The following PTCHD4 variants were observed in gnomAD, a reference collection of about 807,000 sequenced individuals.
The protein encoded by PTCHD4 is patched domain-containing protein 4.
In PTCHD4, 33 loss-of-function variants were observed where a neutral mutation model predicts 58.1. The observed-to-expected ratio is 0.57, with a 90% CI of 0.43 to 0.76. The LOEUF is 0.76. PTCHD4 is among the 30% of genes least tolerant of loss of function. The pLI is 0.00. For synonymous variants in PTCHD4, 478 were observed against 409.6 expected (o/e 1.17, Z -2.02); for missense variants, 1,058 against 1,027.1 (o/e 1.03, Z -0.41).
intron 4 of PTCHD4, among the ~76,000 whole-genome samples, chr6:47,930,263 C>G (rs557194829): frequency 6.6e-6 from 1 of 152,284 alleles, no homozygotes; most frequent in South Asian, 2.1e-4. Context: ...CCTAAGCATT[C>G]AGCTACATTA....
intron 1 of PTCHD4, among the ~76,000 whole-genome samples, chr6:48,091,716 G>A (rs1268043327): frequency 1.4e-5 from 2 of 138,888 alleles, no homozygotes; most frequent in Non-Finnish European, 3.1e-5. Flanking sequence ...GCACAATCTC[G>A]GCTCACTGCA....
intron 3 of PTCHD4, among the ~76,000 whole-genome samples, chr6:48,056,230 T>A (rs1432510707): frequency 1.3e-5 from 2 of 152,356 alleles, no homozygotes; most frequent in East Asian, 1.9e-4. Context: ...TATAAAAGGC[T>A]ACTTTCAAAA....
At chr6:48,037,687 C>T (rs1409540245) in intron 3 of PTCHD4, among the ~76,000 whole-genome samples, 1 of 152,072 alleles carries the variant, frequency 6.6e-6, no homozygotes, top group Non-Finnish European at 1.5e-5. Flanking sequence ...TCAAAAACAT[C>T]ACTCAGACTA....
At chr6:47,917,121 A>G (rs9395332) in intron 4 of PTCHD4, among the ~76,000 whole-genome samples, 96,525 of 151,814 alleles carry the variant, frequency 0.64, 31,317 homozygotes, top group East Asian at 0.78. Context: ...ACTACTTTTG[A>G]GCAAAGCAAA....
chr6:48,039,327 A>T (rs1763759580), intron 3 of PTCHD4, among the ~76,000 whole-genome samples: 1 of 152,194 alleles, frequency 6.6e-6, no homozygotes, highest in South Asian at 2.1e-4. Context: ...ATAATGTTCA[A>T]AAATAGGAAA....
intron 1 of PTCHD4, among the ~76,000 whole-genome samples, chr6:48,100,312 TAA>T (rs1765575310): frequency 1.3e-5 from 2 of 152,218 alleles, no homozygotes; most frequent in Admixed American, 1.3e-4. Context: ...GTAAAATGTC[TAA>T]ACAGTAGAGT....
intron 3 of PTCHD4, among the ~76,000 whole-genome samples, chr6:48,025,406 T>C (rs1350458031): frequency 6.6e-6 from 1 of 152,156 alleles, no homozygotes; most frequent in Non-Finnish European, 1.5e-5. Context: ...CACAAAAATA[T>C]AAAAATTTGG....
intron 4 of PTCHD4, among the ~76,000 whole-genome samples, chr6:47,921,736 A>C (rs1357435613): frequency 6.6e-6 from 1 of 152,124 alleles, no homozygotes; most frequent in Non-Finnish European, 1.5e-5. Context: ...AATGGGTTTC[A>C]GAAGAGGAGT....
rs559954953 is a variant in PTCHD4, at chr6:47,858,223, A to G, written c.*20080T>C. Among the ~76,000 whole-genome samples, 52 of 152,188 alleles carry G rather than the reference A, an allele frequency of 3.4e-4. No homozygotes were observed. Among genetic ancestry groups the G allele is most frequent in the African/African-American group, 1.2e-3 (51 of 41,568 alleles). On this transcript the variant is annotated 3_prime_UTR_variant, in exon 5 of 5. Coordinates refer to ENST00000339488, the MANE Select transcript of PTCHD4 (RefSeq NM_001384253.1). ...TTTTCATAAACATACTTGATTTTAT[A>G]GCAGGCACCCCCAATTTTGGATTCA... is the stretch of plus-strand genomic sequence containing the variant.
chr6:48,026,938 T>C (rs1763269002), intron 3 of PTCHD4, among the ~76,000 whole-genome samples: 1 of 148,270 alleles, frequency 6.7e-6, no homozygotes, highest in Non-Finnish European at 1.5e-5. Context: ...TGGTAAGAAA[T>C]ACAATTCAGA....
At chr6:48,003,118 G>T (rs915889894) in intron 4 of PTCHD4, among the ~76,000 whole-genome samples, 1 of 151,900 alleles carries the variant, frequency 6.6e-6, no homozygotes, top group South Asian at 2.1e-4. Flanking sequence ...GAAATGCTCC[G>T]GGGCTCAAAT....
chr6:47,918,171 T>G (rs1765318129), intron 4 of PTCHD4, among the ~76,000 whole-genome samples: 1 of 152,116 alleles, frequency 6.6e-6, no homozygotes, highest in African/African-American at 2.4e-5. Context: ...CCTAAAAAAT[T>G]TCATGTCTGC....
intron 4 of PTCHD4, among the ~76,000 whole-genome samples, chr6:47,986,718 A>G (rs1768078852): frequency 6.6e-6 from 1 of 152,226 alleles, no homozygotes; most frequent in African/African-American, 2.4e-5. Flanking sequence ...TCCCCAGAGT[A>G]CTTCAAATAA....
intron 4 of PTCHD4, among the ~76,000 whole-genome samples, chr6:47,987,291 A>T (rs1004872918): frequency 6.6e-6 from 1 of 151,166 alleles, no homozygotes. Flanking sequence ...TAACATTAGG[A>T]GATATACCCA....
intron 3 of PTCHD4, among the ~76,000 whole-genome samples, chr6:48,019,071 C>G (rs1245544715): frequency 6.6e-6 from 1 of 152,172 alleles, no homozygotes; most frequent in Non-Finnish European, 1.5e-5. Context: ...AGGCAAAACT[C>G]AGAGTAGAGC....
chr6:48,007,374 C>T lies in PTCHD4; in HGVS notation c.898+1260G>A, dbSNP rs184914208. Among the ~76,000 whole-genome samples the T allele has an allele frequency of 2.0e-5, 3 of 152,294 alleles. No homozygotes were observed. In the East Asian group the frequency reaches 5.8e-4, roughly 29 times the overall value. Reference sequence around the variant, plus strand: ...CACTTCATATTTTCATTCTCAAAAACATTTGCTAAGGTTGAAAAAGAAAGG... The same window carrying T: ...CACTTCATATTTTCATTCTCAAAAATATTTGCTAAGGTTGAAAAAGAAAGG... On this transcript the variant is annotated intron_variant, in intron 4 of 4. Transcript: ENST00000339488.
At chr6:48,054,976 C>T (rs991806435) in intron 3 of PTCHD4, among the ~76,000 whole-genome samples, 7 of 151,836 alleles carry the variant, frequency 4.6e-5, no homozygotes, top group African/African-American at 1.5e-4. Flanking sequence ...TTTTTTGATC[C>T]CAGAAAAGCT....
At chr6:47,923,843 A>T (rs1383197636) in intron 4 of PTCHD4, among the ~76,000 whole-genome samples, 1 of 152,210 alleles carries the variant, frequency 6.6e-6, no homozygotes, top group Non-Finnish European at 1.5e-5. Context: ...TGAATGACGA[A>T]TGTCACCTCA....
chr6:47,948,125 A>G (rs1043669417), intron 4 of PTCHD4, among the ~76,000 whole-genome samples: 1 of 152,138 alleles, frequency 6.6e-6, no homozygotes, highest in African/African-American at 2.4e-5. Context: ...TGAGCTAGGG[A>G]AGGGTCCATT....
Sources: gnomAD v4.1 joint callset for allele counts (sites outside exome capture counted in the v4.1 genomes callset) on GRCh38, gnomAD v4.1.1 for gene constraint, MANE v1.5 for transcripts, NCBI Gene and HGNC (gene_info 2026-07-23, HGNC 2026-07-21) for gene names.